HDAC4: variants seen among roughly 807,000 people sequenced by gnomAD.
The protein encoded by HDAC4 is histone deacetylase 4.
HDAC4 carries 16 observed loss-of-function variants against 135.1 expected under a neutral mutation model. The observed-to-expected ratio is 0.12, with a 90% CI of 0.08 to 0.18. The LOEUF (loss-of-function observed/expected upper bound fraction) is 0.18, where lower values mean the gene tolerates loss of function less well. Ranked by LOEUF, HDAC4 falls within the 10% of genes least tolerant of loss-of-function variation. The probability of loss-of-function intolerance (pLI) is 1.00; values close to 1 mark genes in which losing one functional copy is unlikely to be tolerated. For synonymous variants in HDAC4, 685 were observed against 653.4 expected (o/e 1.05, Z -0.74); for missense variants, 1,143 against 1,511.8 (o/e 0.76, Z 4.05).
chr2:239,201,920 A>G (rs1435727603), intron 3 of HDAC4, among the ~76,000 whole-genome samples: 1 of 152,208 alleles, frequency 6.6e-6, no homozygotes, highest in African/African-American at 2.4e-5. Flanking sequence ...TTACTGGCAG[A>G]AAAAAAGTCT....
Position 239,263,427 on chromosome 2 carries a change from C to T in HDAC4, c.23-26763G>A, listed in dbSNP as rs550778124. Among the ~76,000 whole-genome samples, 6 of 152,088 alleles carry T rather than the reference C, an allele frequency of 3.9e-5. No individual in the cohort carries two copies. In the South Asian group the frequency reaches 1.2e-3, roughly 32 times the overall value. On this transcript the variant is annotated intron_variant, in intron 2 of 26. Coordinates refer to ENST00000543185, the MANE Select transcript of HDAC4 (RefSeq NM_001378414.1). The stretch of plus-strand genomic sequence containing the variant: ...CAACAGGCAGCAGGTGAACAGCTTC[C>T]CCCTCGGAGCTGCCCCATGGGCCTC...
rs907584467 is a variant in HDAC4 at position 239,303,315 on chromosome 2, C to T, written c.22+49363G>A. On this transcript the variant is annotated intron_variant, in intron 2 of 26. Transcript: ENST00000543185. This position sits in a 1 kb window ranked among gnomAD's most constrained non-coding sequence, Gnocchi z 5.1. ...TTCGCTTCCTTTTTATCTACGCTCC[C>T]GGATTGACTTGTCCTCCTCTGATGC... 3.3e-5 allele frequency among the ~76,000 whole-genome samples: 5 copies of T among 152,224 alleles called. No homozygotes were observed. The highest frequency in any genetic ancestry group is 2.1e-4 in the South Asian group (1 of 4,830).
intron 2 of HDAC4, among the ~76,000 whole-genome samples, chr2:239,260,385 G>A (rs1033182034): frequency 1.1e-4 from 16 of 152,218 alleles, no homozygotes; most frequent in African/African-American, 3.6e-4. Context: ...GAAGGACAAC[G>A]CTTGGATCTC....
At chr2:239,367,301 C>T (rs1400894992) in intron 1 of HDAC4, among the ~76,000 whole-genome samples, 1 of 152,188 alleles carries the variant, frequency 6.6e-6, no homozygotes. Context: ...TAAGCCACAC[C>T]TTCCATAGAC....
intron 9 of HDAC4, among the ~76,000 whole-genome samples, chr2:239,135,291 C>T (rs1175512545): frequency 2.0e-5 from 3 of 152,168 alleles, no homozygotes; most frequent in Admixed American, 6.5e-5. Context: ...ACTGCCTCTA[C>T]GAAAGGTGGG....
intron 1 of HDAC4, among the ~76,000 whole-genome samples, chr2:239,374,571 T>C (rs1694870754): frequency 6.7e-6 from 1 of 150,324 alleles, no homozygotes; most frequent in Admixed American, 6.6e-5. Context: ...GCCCGGCTAA[T>C]TTTTTGTATT....
intron 2 of HDAC4, among the ~76,000 whole-genome samples, chr2:239,283,155 A>C (rs114512460): frequency 2.8e-3 from 428 of 152,380 alleles, no homozygotes; most frequent in African/African-American, 0.01. Flanking sequence ...GGAGCTTGAC[A>C]GTCAGTGGAA....
intron 2 of HDAC4, among the ~76,000 whole-genome samples, chr2:239,287,534 T>A (rs149648764): frequency 1.1e-3 from 163 of 152,310 alleles, no homozygotes; most frequent in African/African-American, 3.8e-3. Context: ...ATGCACCCAA[T>A]GCCTACTTCA....
intron 2 of HDAC4, among the ~76,000 whole-genome samples, chr2:239,250,026 C>T (rs959269785): frequency 2.0e-5 from 3 of 152,120 alleles, no homozygotes; most frequent in African/African-American, 7.2e-5. Context: ...CGTGCACAGC[C>T]CTCCCGCCTC....
Position 239,313,797 on chromosome 2 carries a change from G to GAATAT in HDAC4, c.22+38876_22+38880dup, listed in dbSNP as rs2052997613. 1.3e-5 allele frequency among the ~76,000 whole-genome samples: 2 copies of GAATAT among 152,192 alleles called. No homozygotes were observed. The highest frequency in any genetic ancestry group is 2.9e-5 in the Non-Finnish European group (2 of 68,040). On this transcript the variant is annotated intron_variant, in intron 2 of 26. Transcript: ENST00000543185. This position sits in a 1 kb window ranked among gnomAD's most constrained non-coding sequence, Gnocchi z 5.1. The stretch of plus-strand genomic sequence containing the variant: ...AGGGCTGAGTTGGCTGAAGAGTGAG[G>GAATAT]AATATACTCCAAAGACAGGAATTCA...
Position 239,199,209 on chromosome 2 carries a change from C to T in HDAC4, c.95-9132G>A, listed in dbSNP as rs1219456908. On this transcript the variant is annotated intron_variant, in intron 3 of 26. Coordinates refer to ENST00000543185, the MANE Select transcript of HDAC4 (RefSeq NM_001378414.1). ...TGCTGACGAGCAAGGCTCTGTCCCC[C>T]GTTCTTCTGAAAGCTGGGTGCTCAC... Among the ~76,000 whole-genome samples, 3 of 151,902 alleles carry T rather than the reference C, an allele frequency of 2.0e-5. 1 individual carries two copies. The South Asian group carries it at 6.3e-4, about 32-fold the overall frequency.
At chr2:239,105,401 C>T (rs1029259810) in intron 15 of HDAC4, among the ~76,000 whole-genome samples, 4 of 152,236 alleles carry the variant, frequency 2.6e-5, no homozygotes, top group African/African-American at 9.6e-5. Context: ...CGCACACACA[C>T]ATGGCTATAC....
chr2:239,368,957 C>T (rs75307960), intron 1 of HDAC4, among the ~76,000 whole-genome samples: 7,340 of 152,106 alleles, frequency 0.048, 561 homozygotes, highest in African/African-American at 0.17. Flanking sequence ...TATTCACAGC[C>T]GTCAGAGAGC....
chr2:239,397,214 C>T lies in HDAC4; in HGVS notation c.-220+3764G>A, dbSNP rs116718870. Among the ~76,000 whole-genome samples the T allele has an allele frequency of 9.8e-3, 1,500 of 152,314 alleles. 23 individuals are homozygous for T. Among genetic ancestry groups the T allele is most frequent in the African/African-American group, 0.034 (1,414 of 41,556 alleles). On this transcript the variant is annotated intron_variant, in intron 1 of 26. Transcript: ENST00000543185. ...CACCACCAGCCTAGAAGCAGAGGCACGGAGAGGAACTGGCCTTTGGGACTG... is the reference window on the plus strand; with the variant it reads ...CACCACCAGCCTAGAAGCAGAGGCATGGAGAGGAACTGGCCTTTGGGACTG...
intron 19 of HDAC4, among the ~76,000 whole-genome samples, chr2:239,085,269 A>G (rs1207385985): frequency 1.3e-5 from 2 of 152,150 alleles, no homozygotes; most frequent in Non-Finnish European, 2.9e-5. Context: ...CTTTAATTTT[A>G]GAGAGTCTTA....
intron 2 of HDAC4, among the ~76,000 whole-genome samples, chr2:239,333,194 G>A (rs566346710): frequency 1.3e-5 from 2 of 152,164 alleles, no homozygotes; most frequent in South Asian, 4.1e-4. Context: ...ATGGCCCATG[G>A]GCCAAGTACA....
chr2:239,363,106 C>G (rs924617895), intron 1 of HDAC4, among the ~76,000 whole-genome samples: 7 of 152,082 alleles, frequency 4.6e-5, no homozygotes, highest in African/African-American at 1.7e-4. Context: ...TATCAAGAGA[C>G]GTAGAAGAAT....
At chr2:239,389,865 G>A (rs1429763172) in intron 1 of HDAC4, among the ~76,000 whole-genome samples, 10 of 152,164 alleles carry the variant, frequency 6.6e-5, no homozygotes, top group South Asian at 2.1e-4. Context: ...TGAGCCACTC[G>A]GTGCGCTCTG....
intron 2 of HDAC4, among the ~76,000 whole-genome samples, chr2:239,246,915 G>A (rs1022073680): frequency 3.3e-5 from 5 of 152,254 alleles, no homozygotes; most frequent in Non-Finnish European, 7.3e-5. Context: ...GCTGTACAGC[G>A]CTGGGAGCGT....
Sources: gnomAD v4.1 joint callset for allele counts (sites outside exome capture counted in the v4.1 genomes callset) on GRCh38, gnomAD v4.1.1 for gene constraint, Gnocchi (gnomAD v3.1) non-coding constraint, MANE v1.5 for transcripts, NCBI Gene and HGNC (gene_info 2026-07-23, HGNC 2026-07-21) for gene names.